The following C3orf20 variants were observed in gnomAD, a reference collection of about 807,000 sequenced individuals.
C3orf20 encodes uncharacterized protein C3orf20.
A neutral mutation model predicts 88.3 loss-of-function variants in C3orf20; 76 were observed. That is an observed-to-expected ratio of 0.86 (90% confidence interval 0.72 to 1.04). The LOEUF (loss-of-function observed/expected upper bound fraction) is 1.04, where lower values mean the gene tolerates loss of function less well. Ranked by LOEUF, C3orf20 falls within the 50% of genes least tolerant of loss-of-function variation. C3orf20 has a pLI of 0.00. For missense variants in C3orf20, 1,056 were observed against 1,123.3 expected (o/e 0.94, Z 0.86); for synonymous variants, 436 against 437.4 (o/e 1.00, Z 0.04).
intron 12 of C3orf20, among the ~76,000 whole-genome samples, chr3:14,735,457 C>T (rs1209257259): frequency 2.0e-5 from 3 of 152,088 alleles, no homozygotes; most frequent in Non-Finnish European, 4.4e-5. Flanking sequence ...GTATAATATA[C>T]TCTAGCATTT....
chr3:14,690,081 C>A lies in C3orf20; in HGVS notation c.710C>A (p.Ser237Tyr), dbSNP rs893703600. The change falls in exon 5 of 17, where the codon TCT becomes TAT. Residue 237 changes from serine (S) to tyrosine (Y), a missense_variant. Coordinates refer to ENST00000253697, the MANE Select transcript of C3orf20 (RefSeq NM_032137.5). ...YHSSTACLSF[S>Y]LSAGKEAKKK... ...TCTTCCACAGCCTGTCTGAGCTTTT[C>A]TCTCTCTGCTGGAAAAGAAGCCAAG... 3.7e-6 allele frequency: 6 copies of A among 1,614,076 alleles called. No homozygotes were observed. Among genetic ancestry groups the A allele is most frequent in the Non-Finnish European group, 5.1e-6 (6 of 1,180,046 alleles).
At chr3:14,732,460 A>G (rs2124995900) in intron 12 of C3orf20, among the ~76,000 whole-genome samples, 1 of 152,350 alleles carries the variant, frequency 6.6e-6, no homozygotes, top group East Asian at 1.9e-4. Flanking sequence ...GTATTTGCAG[A>G]GTAAAATGTA....
chr3:14,684,200 CA>C lies in C3orf20; in HGVS notation c.485-41del, dbSNP rs570871283. On this transcript the variant is annotated intron_variant, in intron 3 of 16. Transcript: ENST00000253697. ...GGTCCTTTTCTGGAAGCATTAGCCC[CA>C]TGCTAGGAGGGACACGTGTTGCTTT... The C allele has an allele frequency of 3.8e-5, 61 of 1,608,396 alleles. No homozygotes were observed. The African/African-American group carries it at 7.6e-4, about 20-fold the overall frequency.
chr3:14,724,080 A>G (rs1300291828), intron 10 of C3orf20, among the ~76,000 whole-genome samples: 1 of 152,054 alleles, frequency 6.6e-6, no homozygotes, highest in Non-Finnish European at 1.5e-5. Flanking sequence ...CAGCCTCCCA[A>G]AGTGCTGGGA....
rs1038832908 is a variant in C3orf20 at position 14,772,783 on chromosome 3, A to T, written c.2631-8A>T. On this transcript the variant is annotated splice_polypyrimidine_tract_variant and splice_region_variant and intron_variant, in intron 16 of 16. Coordinates refer to ENST00000253697, the MANE Select transcript of C3orf20 (RefSeq NM_032137.5). This position sits in a 1 kb window ranked among gnomAD's most constrained non-coding sequence, Gnocchi z 4.2. ...TTCCGCCTCCCGGCCCTCTATTTTG[A>T]TCTTTAGGACAAGAGAGCCTGAAGT... 6.2e-7 allele frequency: 1 copy of T among 1,612,082 alleles called. No homozygotes were observed.
chr3:14,681,160 C>A (rs1170247594), intron 1 of C3orf20, among the ~76,000 whole-genome samples: 1 of 152,154 alleles, frequency 6.6e-6, no homozygotes, highest in Non-Finnish European at 1.5e-5. Flanking sequence ...TGACTCCTGA[C>A]CAAGAGCTCT....
intron 11 of C3orf20, 70 bp downstream of exon 11, chr3:14,727,094 T>C (rs2034377608): frequency 1.3e-6 from 2 of 1,555,264 alleles, no homozygotes; most frequent in East Asian, 4.5e-5. Flanking sequence ...TGGCAGGTCA[T>C]CTCAAGGGAC....
intron 9 of C3orf20, among the ~76,000 whole-genome samples, chr3:14,721,446 C>T (rs768515825): frequency 1.3e-5 from 2 of 152,208 alleles, no homozygotes; most frequent in Non-Finnish European, 2.9e-5. Flanking sequence ...AATAAGGAAG[C>T]ATCATTTACT....
intron 12 of C3orf20, among the ~76,000 whole-genome samples, chr3:14,746,999 G>T (rs2035075016): frequency 6.6e-6 from 1 of 152,238 alleles, no homozygotes; most frequent in Non-Finnish European, 1.5e-5. Flanking sequence ...CTGGGAACTG[G>T]GTGAGAACTG....
At chr3:14,735,566 T>G (rs2034678673) in intron 12 of C3orf20, among the ~76,000 whole-genome samples, 1 of 152,118 alleles carries the variant, frequency 6.6e-6, no homozygotes, top group Admixed American at 6.5e-5. Context: ...TATATATATG[T>G]TATAAACTAT....
intron 15 of C3orf20, among the ~76,000 whole-genome samples, chr3:14,762,371 C>A (rs2035587670): frequency 6.6e-6 from 1 of 152,230 alleles, no homozygotes; most frequent in Non-Finnish European, 1.5e-5. Flanking sequence ...AGAGACCTAG[C>A]TTTGAGTGGC....
In C3orf20 at chr3:14,728,527, C is replaced by A. The variant is rs1272533158; in HGVS notation, c.1779C>A (p.Leu593=). 6.2e-7 allele frequency: 1 copy of A among 1,614,208 alleles called. No individual in the cohort carries two copies. The highest frequency in any genetic ancestry group is 2.2e-5 in the East Asian group (1 of 44,894). The part of the protein sequence containing the change: ...KMRSRTHPER[L]PKLSLYSGES... ...GATCCAGAACTCATCCCGAGCGGCT[C>A]CCCAAGCTAAGTTTATACTCAGGAG... Residue 593 remains leucine (L), a synonymous_variant, in exon 12 of 17, where the codon CTC becomes CTA. Coordinates refer to ENST00000253697, the MANE Select transcript of C3orf20 (RefSeq NM_032137.5).
chr3:14,689,727 C>T (rs1020528269), intron 4 of C3orf20, among the ~76,000 whole-genome samples: 2 of 151,844 alleles, frequency 1.3e-5, no homozygotes, highest in African/African-American at 2.4e-5. Flanking sequence ...TATCACTTTT[C>T]GTGCTTGCTT....
At chr3:14,713,654 G>A (rs1444351609) in intron 7 of C3orf20, among the ~76,000 whole-genome samples, 3 of 152,122 alleles carry the variant, frequency 2.0e-5, no homozygotes, top group African/African-American at 7.2e-5. Flanking sequence ...TCCTCATCTA[G>A]GGTGACCAAC....
chr3:14,717,021 G>T (rs531151258), intron 9 of C3orf20, among the ~76,000 whole-genome samples: 2 of 152,250 alleles, frequency 1.3e-5, no homozygotes, highest in South Asian at 2.1e-4. Context: ...TCAGTTGAAG[G>T]CAGGCATCAT....
intron 9 of C3orf20, among the ~76,000 whole-genome samples, chr3:14,718,037 T>C (rs2034003177): frequency 6.6e-6 from 1 of 152,140 alleles, no homozygotes; most frequent in Non-Finnish European, 1.5e-5. Context: ...TTTATTCCAT[T>C]TACTGAGTTT....
intron 12 of C3orf20, among the ~76,000 whole-genome samples, chr3:14,750,667 A>T (rs1353600950): frequency 6.6e-6 from 1 of 152,062 alleles, no homozygotes; most frequent in East Asian, 1.9e-4. Flanking sequence ...TCTCATGAGT[A>T]ATTGGCTATT....
At chr3:14,717,795 G>T (rs1377285747) in intron 9 of C3orf20, among the ~76,000 whole-genome samples, 2 of 151,198 alleles carry the variant, frequency 1.3e-5, no homozygotes, top group South Asian at 2.1e-4. Context: ...TTTTTTCCAT[G>T]ATTAAAAAAA....
chr3:14,761,562 G>C lies in C3orf20; in HGVS notation c.2442G>C (p.Arg814=), dbSNP rs765824833. 1 of 1,614,038 alleles carries C rather than the reference G, an allele frequency of 6.2e-7. No homozygotes were observed. The highest frequency in any genetic ancestry group is 1.7e-5 in the Admixed American group (1 of 60,022). ...SKQNLLKQIF[R]SQQDYKMGYF... is the part of the protein sequence containing the mutation. ...AGAATCTGCTGAAACAGATCTTCCG[G>C]TCTCAACAGGATTACAAGATGGGCT... The change falls in exon 15 of 17, where the codon CGG becomes CGC. Residue 814 remains arginine, a synonymous_variant. Coordinates refer to ENST00000253697, the MANE Select transcript of C3orf20 (RefSeq NM_032137.5).
Sources: allele counts gnomAD v4.1 joint callset (sites outside exome capture counted in the v4.1 genomes callset), GRCh38; gene constraint gnomAD v4.1.1; non-coding constraint Gnocchi (gnomAD v3.1); transcripts MANE v1.5; gene names NCBI Gene and HGNC (gene_info 2026-07-23, HGNC 2026-07-21).